The following CTNNA2 variants were observed in gnomAD, a reference collection of about 807,000 sequenced individuals.
The protein encoded by CTNNA2 is catenin alpha-2.
CTNNA2 carries 42 observed loss-of-function variants against 101.0 expected under a neutral mutation model. That is an observed-to-expected ratio of 0.42 (90% CI 0.32 to 0.54). The LOEUF (loss-of-function observed/expected upper bound fraction) is 0.54, where lower values mean the gene tolerates loss of function less well. CTNNA2 is among the 20% of genes least tolerant of loss of function. The probability of loss-of-function intolerance (pLI) is 0.14; values close to 1 mark genes in which losing one functional copy is unlikely to be tolerated. For synonymous variants in CTNNA2, 450 were observed against 456.4 expected (o/e 0.99, Z 0.18); for missense variants, 871 against 1,223.1 (o/e 0.71, Z 4.29).
At chr2:80,389,753 G>A (rs139010572) in intron 7 of CTNNA2, among the ~76,000 whole-genome samples, 1 of 152,066 alleles carries the variant, frequency 6.6e-6, no homozygotes, top group African/African-American at 2.4e-5. Flanking sequence ...CCATCCAGTG[G>A]CCCAAATTTC....
At chr2:80,518,243 T>C (rs1007181874) in intron 9 of CTNNA2, among the ~76,000 whole-genome samples, 1 of 152,226 alleles carries the variant, frequency 6.6e-6, no homozygotes, top group Non-Finnish European at 1.5e-5. Flanking sequence ...GCTGATGATC[T>C]CTAGTGGATG....
At chr2:79,401,847 A>C (rs775158045) in intron 4 of CTNNA2, among the ~76,000 whole-genome samples, 56 of 151,610 alleles carry the variant, frequency 3.7e-4, no homozygotes, top group Non-Finnish European at 6.1e-4. Context: ...TTAAAAAGTA[A>C]ATTAAAATTA....
At chr2:79,858,672 GCAATAAAAAGGGGCCCCATCCA>G (rs1267076958) in intron 4 of CTNNA2, among the ~76,000 whole-genome samples, 1 of 151,994 alleles carries the variant, frequency 6.6e-6, no homozygotes, top group East Asian at 1.9e-4. Context: ...TCATATATTG[GCAATAAAAAGGGGCCCCATCCA>G]CAATTCCCGT....
chr2:79,812,697 G>T (rs1459904940), intron 3 of CTNNA2, among the ~76,000 whole-genome samples: 2 of 152,098 alleles, frequency 1.3e-5, no homozygotes, highest in Non-Finnish European at 1.5e-5. Flanking sequence ...TTCATATCTA[G>T]CAGTGATATT....
rs565680429 is a variant in CTNNA2, at chr2:79,744,153, T to C, written c.103-234T>C. ...CAAGTATGCTATTTCTGGTTATTCATGTGCTTTTGTTTTTCCACAGGAAAT... is the reference window on the plus strand; with the variant it reads ...CAAGTATGCTATTTCTGGTTATTCACGTGCTTTTGTTTTTCCACAGGAAAT... On this transcript the variant is annotated intron_variant, in intron 2 of 18. Transcript: ENST00000402739. Among the ~76,000 whole-genome samples, 177 of 152,318 alleles carry C rather than the reference T, an allele frequency of 1.2e-3. 1 individual carries two copies. Among genetic ancestry groups the C allele is most frequent in the African/African-American group, 3.9e-3 (163 of 41,554 alleles).
intron 7 of CTNNA2, among the ~76,000 whole-genome samples, chr2:80,205,397 G>T (rs1398889028): frequency 6.6e-6 from 1 of 152,186 alleles, no homozygotes; most frequent in African/African-American, 2.4e-5. Flanking sequence ...AGCTCTCCCT[G>T]TTGTCCCTGC....
intron 6 of CTNNA2, among the ~76,000 whole-genome samples, chr2:79,892,460 A>T (rs981387342): frequency 2.0e-5 from 3 of 152,156 alleles, no homozygotes; most frequent in Non-Finnish European, 4.4e-5. Context: ...TTCCTGGTGG[A>T]TTATGAAATA....
At chr2:79,923,331 G>T (rs908207928) in intron 7 of CTNNA2, among the ~76,000 whole-genome samples, 1 of 152,028 alleles carries the variant, frequency 6.6e-6, no homozygotes, top group Non-Finnish European at 1.5e-5. Flanking sequence ...CAGTGGCTCT[G>T]CCCTCAGCTA....
Position 80,060,982 on chromosome 2 carries a change from C to A in CTNNA2, c.1056+151185C>A, listed in dbSNP as rs1052949097. Among the ~76,000 whole-genome samples, 16 of 152,202 alleles carry A rather than the reference C, an allele frequency of 1.1e-4. No homozygotes were observed. The South Asian group carries it at 3.3e-3, about 32-fold the overall frequency. On this transcript the variant is annotated intron_variant, in intron 7 of 18. Transcript: ENST00000402739. ...AAAGGGCCACCCCAGCTGAGAACTA[C>A]CCCCTGGAATGGCCTGAAGCCTCCA...
intron 11 of CTNNA2, among the ~76,000 whole-genome samples, chr2:80,553,289 G>T (rs1446405696): frequency 1.3e-5 from 2 of 151,870 alleles, no homozygotes; most frequent in Admixed American, 1.3e-4. Context: ...CTAATACTTT[G>T]TACAACATTA....
chr2:80,415,422 CTT>C (rs532530820), intron 8 of CTNNA2, among the ~76,000 whole-genome samples: 12 of 151,706 alleles, frequency 7.9e-5, no homozygotes, highest in Middle Eastern at 3.4e-3. Flanking sequence ...TTGTTTTTTT[CTT>C]TTTTTGTAGT....
chr2:80,042,883 G>T (rs1294311821), intron 7 of CTNNA2, among the ~76,000 whole-genome samples: 7 of 151,972 alleles, frequency 4.6e-5, no homozygotes, highest in Non-Finnish European at 1.5e-5. Flanking sequence ...GGTAAATTAG[G>T]GTCAGTTTGA....
chr2:79,907,685 G>A (rs946953143), intron 6 of CTNNA2, among the ~76,000 whole-genome samples: 1 of 152,084 alleles, frequency 6.6e-6, no homozygotes, highest in Admixed American at 6.6e-5. Context: ...TTTTTCATCC[G>A]TTTTCTAAGA....
At chr2:79,522,599 A>G (rs548617588) in intron 1 of CTNNA2, among the ~76,000 whole-genome samples, 2 of 152,296 alleles carry the variant, frequency 1.3e-5, no homozygotes, top group Admixed American at 6.5e-5. Flanking sequence ...GTGACCTTGT[A>G]TTAGTACTTT....
At chr2:80,409,608 G>A (rs908991446) in intron 8 of CTNNA2, among the ~76,000 whole-genome samples, 2 of 152,170 alleles carry the variant, frequency 1.3e-5, no homozygotes, top group African/African-American at 4.8e-5. Context: ...CCAGTGGAAG[G>A]AATAAATGAC....
chr2:79,478,332 G>A lies in CTNNA2; in HGVS notation c.-134-26722G>A, dbSNP rs141768369. ...AATGCAAATGGAAGTGATGAATAGC[G>A]GTCTTAGGTAGCTTAGAATGGAATT... On this transcript the variant is annotated intron_variant, in intron 4 of 21. Transcript: ENST00000466387. Among the ~76,000 whole-genome samples, 560 of 152,226 alleles carry A rather than the reference G, an allele frequency of 3.7e-3. 3 individuals carry two copies. Among genetic ancestry groups the A allele is most frequent in the Non-Finnish European group, 5.0e-3 (338 of 68,022 alleles).
chr2:80,037,542 G>A (rs1482201585), intron 7 of CTNNA2, among the ~76,000 whole-genome samples: 1 of 152,170 alleles, frequency 6.6e-6, no homozygotes, highest in African/African-American at 2.4e-5. Context: ...AGAACTCTGG[G>A]TAATGCCTAG....
At chr2:80,123,929 T>C (rs183450052) in intron 7 of CTNNA2, among the ~76,000 whole-genome samples, 2 of 152,166 alleles carry the variant, frequency 1.3e-5, no homozygotes, top group South Asian at 2.1e-4. Flanking sequence ...ACTGGCCACA[T>C]TCATTTGCAT....
intron 7 of CTNNA2, among the ~76,000 whole-genome samples, chr2:79,961,136 A>G (rs1475257879): frequency 6.6e-6 from 1 of 152,214 alleles, no homozygotes; most frequent in East Asian, 1.9e-4. Flanking sequence ...CTCAGGATGT[A>G]TTATATTTAA....
Sources: gnomAD v4.1 joint callset for allele counts (sites outside exome capture counted in the v4.1 genomes callset) on GRCh38, gnomAD v4.1.1 for gene constraint, MANE v1.5 for transcripts, NCBI Gene and HGNC (gene_info 2026-07-23, HGNC 2026-07-21) for gene names.